The following MACROD2 variants were observed in gnomAD, a reference collection of about 807,000 sequenced individuals.
The protein encoded by MACROD2 is ADP-ribose glycohydrolase MACROD2.
MACROD2 carries 36 observed loss-of-function variants against 70.4 expected under a neutral mutation model. That is an observed-to-expected ratio of 0.51 (90% CI 0.39 to 0.68). MACROD2 has a LOEUF of 0.68. MACROD2 is among the 30% of genes least tolerant of loss of function. The pLI is 0.00. For synonymous variants in MACROD2, 172 were observed against 178.8 expected, an observed-to-expected ratio of 0.96 and a Z score of 0.30; for missense variants, 496 against 538.4, an observed-to-expected ratio of 0.92 and a Z score of 0.78.
At chr20:15,802,707 C>T (rs966356611) in intron 8 of MACROD2, among the ~76,000 whole-genome samples, 1 of 151,964 alleles carries the variant, frequency 6.6e-6, no homozygotes, top group Non-Finnish European at 1.5e-5. Context: ...AAAAGCAATA[C>T]ATTGGATCAA....
intron 3 of MACROD2, among the ~76,000 whole-genome samples, chr20:14,244,180 A>C (rs1383995009): frequency 6.6e-6 from 1 of 152,136 alleles, no homozygotes; most frequent in Non-Finnish European, 1.5e-5. Flanking sequence ...AGTCAGAGAG[A>C]AAGGTTAGGA....
chr20:15,567,850 A>G (rs2048329383), intron 8 of MACROD2, among the ~76,000 whole-genome samples: 1 of 152,234 alleles, frequency 6.6e-6, no homozygotes, highest in African/African-American at 2.4e-5. Context: ...ATGTGGGCTC[A>G]GAGTTATCAC....
At chr20:14,748,167 G>A (rs751810473) in intron 5 of MACROD2, among the ~76,000 whole-genome samples, 24 of 151,924 alleles carry the variant, frequency 1.6e-4, no homozygotes, top group Admixed American at 5.9e-4. Context: ...GTTCCTACAC[G>A]CCTCTTAGCA....
chr20:14,253,985 A>G (rs957359978), intron 3 of MACROD2, among the ~76,000 whole-genome samples: 7 of 152,112 alleles, frequency 4.6e-5, no homozygotes, highest in Non-Finnish European at 1.0e-4. Context: ...TGGGAAAAGC[A>G]AATAGATTTC....
At chr20:15,567,614 C>T (rs1048101516) in intron 8 of MACROD2, among the ~76,000 whole-genome samples, 2 of 152,190 alleles carry the variant, frequency 1.3e-5, no homozygotes, top group African/African-American at 4.8e-5. Flanking sequence ...ACTCTGGCAA[C>T]AACTTGAAGG....
chr20:14,313,140 G>T (rs1412477773), intron 3 of MACROD2, among the ~76,000 whole-genome samples: 1 of 152,084 alleles, frequency 6.6e-6, no homozygotes, highest in African/African-American at 2.4e-5. Context: ...ATAATATATT[G>T]GTCACTCTGT....
At chr20:14,262,262 G>A (rs1430753204) in intron 3 of MACROD2, among the ~76,000 whole-genome samples, 1 of 152,122 alleles carries the variant, frequency 6.6e-6, no homozygotes, top group Non-Finnish European at 1.5e-5. Context: ...ATAAAGTAAG[G>A]AGAGAGAATC....
At chr20:15,886,508 T>C (rs1219530703) in intron 10 of MACROD2, among the ~76,000 whole-genome samples, 1 of 152,212 alleles carries the variant, frequency 6.6e-6, no homozygotes, top group African/African-American at 2.4e-5. Flanking sequence ...AGTGGTTCTA[T>C]AGAGCGTGTA....
intron 3 of MACROD2, among the ~76,000 whole-genome samples, chr20:14,274,687 G>A (rs1232298971): frequency 1.3e-5 from 2 of 152,062 alleles, no homozygotes; most frequent in Non-Finnish European, 1.5e-5. Flanking sequence ...TATTCAATTA[G>A]GAAAAGAGGA....
At chr20:15,471,078 T>C (rs573370941) in intron 7 of MACROD2, among the ~76,000 whole-genome samples, 24 of 152,348 alleles carry the variant, frequency 1.6e-4, no homozygotes, top group African/African-American at 5.8e-4. Context: ...CCTCTTTGTT[T>C]TTTGTCCTTT....
chr20:14,161,599 C>T (rs1312161021), intron 3 of MACROD2, among the ~76,000 whole-genome samples: 9 of 140,392 alleles, frequency 6.4e-5, no homozygotes, highest in East Asian at 2.2e-4. Flanking sequence ...TTTCTTGAGA[C>T]GATGTCTCAC....
intron 8 of MACROD2, among the ~76,000 whole-genome samples, chr20:15,819,618 C>A (rs986823946): frequency 1.3e-5 from 2 of 151,100 alleles, no homozygotes; most frequent in African/African-American, 4.9e-5. Context: ...CCATTTACCA[C>A]AAAATAGATG....
At chr20:15,708,403 A>C (rs1461309240) in intron 8 of MACROD2, among the ~76,000 whole-genome samples, 3 of 152,146 alleles carry the variant, frequency 2.0e-5, no homozygotes, top group African/African-American at 4.8e-5. Flanking sequence ...CATGTGATGC[A>C]ACTGAGGGAT....
At chr20:15,867,982 T>C (rs931655615) in intron 9 of MACROD2, among the ~76,000 whole-genome samples, 1 of 152,156 alleles carries the variant, frequency 6.6e-6, no homozygotes, top group Non-Finnish European at 1.5e-5. Flanking sequence ...TGTGCTCTAG[T>C]GATTAGAGGC....
intron 5 of MACROD2, among the ~76,000 whole-genome samples, chr20:15,087,681 A>G (rs2075759050): frequency 6.6e-6 from 1 of 152,040 alleles, no homozygotes; most frequent in Non-Finnish European, 1.5e-5. Flanking sequence ...TTGATTAAAA[A>G]GGTGCGATAC....
At chr20:15,553,208 A>C (rs2048121781) in intron 8 of MACROD2, among the ~76,000 whole-genome samples, 1 of 152,176 alleles carries the variant, frequency 6.6e-6, no homozygotes, top group East Asian at 1.9e-4. Flanking sequence ...GGGACTGAGA[A>C]CACACGAGTC....
At chr20:15,210,511 T>G (rs2076752763) in intron 5 of MACROD2, among the ~76,000 whole-genome samples, 1 of 151,852 alleles carries the variant, frequency 6.6e-6, no homozygotes, top group Admixed American at 6.6e-5. Context: ...CTCCTGAATT[T>G]ACAGGCACGT....
At chr20:14,555,267 G>A (rs1210950963) in intron 4 of MACROD2, among the ~76,000 whole-genome samples, 1 of 151,970 alleles carries the variant, frequency 6.6e-6, no homozygotes, top group African/African-American at 2.4e-5. Context: ...AAAACTTAAA[G>A]AATATATAAG....
At chr20:15,312,412 G>A (rs928945243) in intron 6 of MACROD2, among the ~76,000 whole-genome samples, 4 of 152,282 alleles carry the variant, frequency 2.6e-5, no homozygotes, top group African/African-American at 9.6e-5. Flanking sequence ...ATAACCCAGT[G>A]TTTTAAGGGC....
Sources: allele counts gnomAD v4.1 joint callset (sites outside exome capture counted in the v4.1 genomes callset), GRCh38; gene constraint gnomAD v4.1.1; transcripts MANE v1.5; gene names NCBI Gene and HGNC (gene_info 2026-07-23, HGNC 2026-07-21).